The following BMPR1B variants were observed in gnomAD, a reference collection of about 807,000 sequenced individuals.
BMPR1B encodes bone morphogenetic protein receptor type-1B.
Under a neutral mutation model 59.1 loss-of-function variants are expected in BMPR1B, and 12 were observed. The ratio of observed to expected loss-of-function variants is 0.20; its 90% CI spans 0.13 to 0.33. BMPR1B has a LOEUF of 0.33. Among genes scored for constraint, BMPR1B ranks in the 10% least tolerant of loss-of-function variants. BMPR1B has a pLI of 1.00. For missense variants in BMPR1B, 550 were observed against 610.9 expected (o/e 0.90, Z 1.05); for synonymous variants, 237 against 207.3 (o/e 1.14, Z -1.23).
At chr4:95,093,416 TGCTGAGGTTTATAATTCTATGTC>T (rs1730138076) in intron 3 of BMPR1B, among the ~76,000 whole-genome samples, 1 of 670 alleles carries the variant, frequency 1.5e-3, no homozygotes, top group Non-Finnish European at 5.6e-3. Flanking sequence ...TTACTATTCC[TGCTGAGGTTTATAATTCTATGTC>T]TGCTGAGGTT....
chr4:94,896,812 C>T (rs72887884), intron 2 of BMPR1B, among the ~76,000 whole-genome samples: 4,063 of 151,792 alleles, frequency 0.027, 179 homozygotes, highest in African/African-American at 0.093. Flanking sequence ...AAAGTAAGAC[C>T]CTATTGTAAG....
In BMPR1B at chr4:94,884,799, G is replaced by T. The variant is rs902119886; in HGVS notation, c.-113+8899G>T. Reference sequence around the variant, plus strand: ...CTCTTTGCAGTAAGACTTCGTAGTTGTTCCTATTAAGAAGTGAAGTCTGTT... The same window carrying T: ...CTCTTTGCAGTAAGACTTCGTAGTTTTTCCTATTAAGAAGTGAAGTCTGTT... On this transcript the variant is annotated intron_variant, in intron 2 of 12. Transcript: ENST00000515059. 3.9e-5 allele frequency among the ~76,000 whole-genome samples: 6 copies of T among 152,192 alleles called. No homozygotes were observed. The East Asian group carries it at 9.6e-4, about 24-fold the overall frequency.
intron 2 of BMPR1B, among the ~76,000 whole-genome samples, chr4:94,964,561 A>T (rs1730484340): frequency 6.6e-6 from 1 of 152,198 alleles, no homozygotes; most frequent in South Asian, 2.1e-4. Context: ...TGCTTTGTTA[A>T]CACAGAAAGA....
chr4:94,808,231 G>A (rs1352877715), intron 1 of BMPR1B, among the ~76,000 whole-genome samples: 1 of 151,984 alleles, frequency 6.6e-6, no homozygotes, highest in East Asian at 1.9e-4. Context: ...ACAAAATGTG[G>A]GATTTATGGA....
chr4:95,137,077 T>A (rs1334339165), intron 10 of BMPR1B, among the ~76,000 whole-genome samples: 1 of 152,226 alleles, frequency 6.6e-6, no homozygotes, highest in African/African-American at 2.4e-5. Context: ...TACACACTGC[T>A]TTAAATGTGT....
rs150469256 is a variant in BMPR1B at position 94,907,872 on chromosome 4, G to A, written c.-113+31972G>A. On this transcript the variant is annotated intron_variant, in intron 2 of 12. Transcript: ENST00000515059. ...ATGAATATGAATGTACATGTCTGAG[G>A]TCTCTATAAATTAAAAGGTAAAAAG... Among the ~76,000 whole-genome samples, 540 of 151,024 alleles carry A rather than the reference G, an allele frequency of 3.6e-3. 4 individuals are homozygous for A. The highest frequency in any genetic ancestry group is 0.012 in the African/African-American group (509 of 41,170).
chr4:94,852,044 T>C (rs1458629361), intron 1 of BMPR1B, among the ~76,000 whole-genome samples: 1 of 152,186 alleles, frequency 6.6e-6, no homozygotes, highest in Non-Finnish European at 1.5e-5. Context: ...GATAAGAGAT[T>C]ATTCAGGTAA....
At chr4:94,814,429 C>G (rs1297767835) in intron 1 of BMPR1B, among the ~76,000 whole-genome samples, 1 of 152,172 alleles carries the variant, frequency 6.6e-6, no homozygotes, top group Non-Finnish European at 1.5e-5. Flanking sequence ...TTCTGACAGG[C>G]TCATACAGTG....
rs575419422 is a variant in BMPR1B at position 94,806,776 on chromosome 4, A to C, written c.-183+48708A>C. On this transcript the variant is annotated intron_variant, in intron 1 of 12. Coordinates refer to ENST00000515059, the MANE Select transcript of BMPR1B (RefSeq NM_001203.3). ...ATCATTTTTAGCGTAGCGTTGTCCC[A>C]AATAGTGTGTGGGACATACTTATTT... is the stretch of plus-strand genomic sequence containing the variant. Among the ~76,000 whole-genome samples, 4 of 152,284 alleles carry C rather than the reference A, an allele frequency of 2.6e-5. No individual in the cohort carries two copies. In the East Asian group the frequency reaches 7.7e-4, roughly 29 times the overall value.
chr4:94,773,840 AAAAC>A (rs139109843), intron 1 of BMPR1B, among the ~76,000 whole-genome samples: 36,666 of 151,738 alleles, frequency 0.24, 4,621 homozygotes, highest in South Asian at 0.3. Context: ...TTGTAATATG[AAAAC>A]AAAAACTGAA....
At chr4:94,840,764 G>T (rs1426242680) in intron 1 of BMPR1B, among the ~76,000 whole-genome samples, 1 of 148,654 alleles carries the variant, frequency 6.7e-6, no homozygotes, top group East Asian at 1.9e-4. Context: ...CTCTCAACTT[G>T]TCAAAGTCGT....
At chr4:95,002,569 C>G (rs1160585427) in intron 3 of BMPR1B, among the ~76,000 whole-genome samples, 1 of 152,150 alleles carries the variant, frequency 6.6e-6, no homozygotes, top group Non-Finnish European at 1.5e-5. Flanking sequence ...TCCACAGTAG[C>G]TGAACTAATT....
intron 2 of BMPR1B, among the ~76,000 whole-genome samples, chr4:94,888,981 C>G (rs1169548539): frequency 6.6e-6 from 1 of 151,750 alleles, no homozygotes; most frequent in Admixed American, 6.6e-5. Flanking sequence ...TATAAAATTT[C>G]AATAGTTTTT....
chr4:95,139,507 C>G (rs1056054811), intron 10 of BMPR1B, among the ~76,000 whole-genome samples: 3 of 152,330 alleles, frequency 2.0e-5, no homozygotes, highest in African/African-American at 7.2e-5. Context: ...TACTCTGCCC[C>G]CAGAGGTGGA....
chr4:95,116,621 CTT>C (rs945802587), intron 6 of BMPR1B, among the ~76,000 whole-genome samples: 6 of 142,932 alleles, frequency 4.2e-5, no homozygotes, highest in Non-Finnish European at 1.5e-5. Context: ...CTCTCTCTCT[CTT>C]TTTTTTTTTT....
intron 2 of BMPR1B, among the ~76,000 whole-genome samples, chr4:94,978,949 T>C (rs961977359): frequency 1.8e-4 from 27 of 147,692 alleles, no homozygotes; most frequent in African/African-American, 4.5e-4. Context: ...CACACATACA[T>C]ACACACACAC....
At chr4:94,789,185 G>T (rs565405332) in intron 1 of BMPR1B, among the ~76,000 whole-genome samples, 31 of 152,322 alleles carry the variant, frequency 2.0e-4, no homozygotes, top group African/African-American at 7.2e-4. Context: ...AAATGGTTCA[G>T]TGTTCTTGCA....
At position 94,775,844 on chromosome 4, in the gene BMPR1B, C is replaced by T. The variant is rs374354099; in HGVS notation, c.-183+17776C>T. 1.2e-4 allele frequency among the ~76,000 whole-genome samples: 19 copies of T among 152,302 alleles called. No homozygotes were observed. The South Asian group carries it at 1.7e-3, about 13-fold the overall frequency. ...CAGTGGCTCACGCCTGTAATCCCAG[C>T]ACGCTGGGAGGCGGAGGCGGGCAGA... On this transcript the variant is annotated intron_variant, in intron 1 of 12. Coordinates refer to ENST00000515059, the MANE Select transcript of BMPR1B (RefSeq NM_001203.3).
intron 2 of BMPR1B, among the ~76,000 whole-genome samples, chr4:94,991,384 G>A (rs1389847315): frequency 1.3e-5 from 2 of 152,180 alleles, no homozygotes; most frequent in Non-Finnish European, 2.9e-5. Context: ...CATTCATTAT[G>A]TAGAAGGCTC....
Sources: allele counts gnomAD v4.1 joint callset (sites outside exome capture counted in the v4.1 genomes callset), GRCh38; gene constraint gnomAD v4.1.1; transcripts MANE v1.5; gene names NCBI Gene and HGNC (gene_info 2026-07-23, HGNC 2026-07-21).